The following MBLAC2 variants were observed in gnomAD, a reference collection of about 807,000 sequenced individuals.
The protein encoded by MBLAC2 is acyl-coenzyme A thioesterase MBLAC2.
In MBLAC2, 24 loss-of-function variants were observed where a neutral mutation model predicts 23.3. The ratio of observed to expected loss-of-function variants is 1.03; its 90% CI spans 0.75 to 1.45. MBLAC2 has a LOEUF of 1.45. Ranked by LOEUF, MBLAC2 falls within the 40% of genes most tolerant of loss-of-function variation. The pLI is 0.00. For synonymous variants in MBLAC2, 162 were observed against 150.9 expected (o/e 1.07, Z -0.54); for missense variants, 358 against 370.0 (o/e 0.97, Z 0.27).
intron 1 of MBLAC2, chr5:90,472,478 G>A (rs1580183568): frequency 2.0e-5 from 3 of 148,792 alleles, no homozygotes; most frequent in Admixed American, 6.7e-5. Flanking sequence ...AGACTTGTTC[G>A]GTGGGTGTGA....
intron 1 of MBLAC2, among the ~76,000 whole-genome samples, chr5:90,465,788 T>A (rs1580180925): frequency 6.6e-6 from 1 of 152,246 alleles, no homozygotes; most frequent in South Asian, 2.1e-4. Flanking sequence ...GCTAGTCTTA[T>A]ACTCCTGGCC....
Position 90,461,201 on chromosome 5 carries a change from G to C in MBLAC2, c.806C>G (p.Ala269Gly). The C allele has an allele frequency of 2.5e-6, 4 of 1,612,030 alleles. No individual in the cohort carries two copies. The highest frequency in any genetic ancestry group is 3.4e-6 in the Non-Finnish European group (4 of 1,179,132). The stretch of plus-strand genomic sequence containing the variant: ...GGTCCTAGAATTTGTTACACGTAGA[G>C]CTAAACTTGCAAGAGATCGCATGGC... ...TFAMRSLASLALRVTNSRTSP is the reference protein window; with the variant it reads ...TFAMRSLASLGLRVTNSRTSP Residue 269 changes from alanine (A) to glycine (G), a missense_variant, in exon 2 of 2, where the codon GCT becomes GGT. Transcript: ENST00000316610.
At chr5:90,472,406 TA>T (rs1750567414) in intron 1 of MBLAC2, 2 of 152,114 alleles carry the variant, frequency 1.3e-5, no homozygotes, top group Admixed American at 1.3e-4. Context: ...TATTGTCAGA[TA>T]ATGTAAGACT....
intron 1 of MBLAC2, among the ~76,000 whole-genome samples, chr5:90,462,455 G>A (rs1189732492): frequency 6.6e-6 from 1 of 152,010 alleles, no homozygotes; most frequent in African/African-American, 2.4e-5. Flanking sequence ...AACATAAAAA[G>A]GCAGAGATTG....
intron 1 of MBLAC2, among the ~76,000 whole-genome samples, chr5:90,463,442 T>C (rs1750399301): frequency 6.6e-6 from 1 of 152,106 alleles, no homozygotes; most frequent in Non-Finnish European, 1.5e-5. Context: ...AGAACAAAAA[T>C]AAATATGGGC....
intron 1 of MBLAC2, among the ~76,000 whole-genome samples, chr5:90,469,227 A>C (rs1039276143): frequency 2.6e-5 from 4 of 152,062 alleles, no homozygotes; most frequent in Non-Finnish European, 5.9e-5. Flanking sequence ...CGGCCTTTCA[A>C]ATTATTGGGA....
At chr5:90,468,565 G>A (rs1046296281) in intron 1 of MBLAC2, among the ~76,000 whole-genome samples, 1 of 151,722 alleles carries the variant, frequency 6.6e-6, no homozygotes, top group Non-Finnish European at 1.5e-5. Context: ...TTTTATTTAT[G>A]CTATCTATTT....
intron 1 of MBLAC2, among the ~76,000 whole-genome samples, chr5:90,466,825 A>C (rs1442298726): frequency 6.6e-6 from 1 of 152,192 alleles, no homozygotes; most frequent in African/African-American, 2.4e-5. Context: ...ATTGAAAAGG[A>C]TTGACAAAAC....
chr5:90,467,316 A>C (rs1750465137), intron 1 of MBLAC2, among the ~76,000 whole-genome samples: 1 of 152,130 alleles, frequency 6.6e-6, no homozygotes, highest in Non-Finnish European at 1.5e-5. Flanking sequence ...GTTACCATCT[A>C]TCTCATTTCT....
chr5:90,461,500 A>T lies in MBLAC2; in HGVS notation c.507T>A (p.Gly169=). Residue 169 remains glycine, a synonymous_variant, in exon 2 of 2, where the codon GGT becomes GGA. Transcript: ENST00000316610. ...DRQLTVMHMP[G]HSRGSICLHD... is the part of the protein sequence containing the mutation. ...GTAAGCAAATACTGCCCCTGGAGTGACCTGGCATGTGCATAACAGTGAGCT... is the reference window on the plus strand; with the variant it reads ...GTAAGCAAATACTGCCCCTGGAGTGTCCTGGCATGTGCATAACAGTGAGCT... The T allele has an allele frequency of 6.2e-7, 1 of 1,614,006 alleles. No individual in the cohort carries two copies. The highest frequency in any genetic ancestry group is 8.5e-7 in the Non-Finnish European group (1 of 1,179,926).
At position 90,474,154 on chromosome 5, in the gene MBLAC2, C is replaced by T; in HGVS notation, c.139G>A (p.Gly47Ser). ...TCCGGGAGGCTGCGCAGCCCCAGGC[C>T]TGTATCGATCACCACGTCCTGCTCG... Reference protein sequence around the residue: ...GSEQDVVIDTGLGLRSLPEYL... With the variant: ...GSEQDVVIDTSLGLRSLPEYL... Residue 47 changes from glycine (G) to serine (S), a missense_variant, in exon 1 of 2, where the codon GGC (glycine) becomes AGC (serine). Transcript: ENST00000316610. 2 of 1,597,208 alleles carry T rather than the reference C, an allele frequency of 1.3e-6. No homozygotes were observed. Among genetic ancestry groups the T allele is most frequent in the Middle Eastern group, 1.7e-4 (1 of 6,040 alleles).
rs1048917348 is a variant in MBLAC2 at position 90,458,865 on chromosome 5, A to T, written c.*2302T>A. 1 of 152,544 alleles carries T rather than the reference A, an allele frequency of 6.6e-6. No individual in the cohort carries two copies. Among genetic ancestry groups the T allele is most frequent in the Non-Finnish European group, 1.5e-5 (1 of 68,012 alleles). The allele number at this position is 152,544 out of a possible 1,614,324, so 9.4% of individuals were successfully genotyped here. A position where few individuals can be genotyped will look rare whatever the true frequency, so the allele number is the denominator to read the frequency against. On this transcript the variant is annotated 3_prime_UTR_variant, in exon 2 of 2. Coordinates refer to ENST00000316610, the MANE Select transcript of MBLAC2 (RefSeq NM_203406.2). ...TTACCTTATTTATTCACATTGAAGT[A>T]ATAGCAAAATATCACAGTTCTATGT...
intron 1 of MBLAC2, among the ~76,000 whole-genome samples, chr5:90,467,300 T>G (rs1750464910): frequency 6.6e-6 from 1 of 152,194 alleles, no homozygotes; most frequent in Non-Finnish European, 1.5e-5. Flanking sequence ...CCCCCAGTAT[T>G]ATTGTGTTAC....
At chr5:90,463,101 T>C (rs1186137009) in intron 1 of MBLAC2, among the ~76,000 whole-genome samples, 2 of 152,272 alleles carry the variant, frequency 1.3e-5, no homozygotes, top group African/African-American at 2.4e-5. Flanking sequence ...TTGTTTTTTC[T>C]GAGACAGAGT....
At chr5:90,469,830 A>G (rs762097186) in intron 1 of MBLAC2, among the ~76,000 whole-genome samples, 2 of 152,222 alleles carry the variant, frequency 1.3e-5, no homozygotes, top group Non-Finnish European at 2.9e-5. Flanking sequence ...GAGGTTCCTC[A>G]ACAAACTGAA....
rs536975944 is a variant in MBLAC2, at chr5:90,458,577, GTTA to G, written c.*2587_*2589del. 305 of 152,258 alleles carry G rather than the reference GTTA, an allele frequency of 2.0e-3. 9 individuals carry two copies. Among genetic ancestry groups the G allele is most frequent in the Admixed American group, 0.019 (297 of 15,294 alleles). The allele number at this position is 152,258 out of a possible 1,614,324, so 9.4% of individuals were successfully genotyped here. On this transcript the variant is annotated 3_prime_UTR_variant, in exon 2 of 2. Transcript: ENST00000316610. ...ATTTTGAAAAGCTTTTTAAAGATAT[GTTA>G]TTATTATGCTTTAACATCATTTCAT...
In MBLAC2 at chr5:90,461,267, T is replaced by C. The variant is rs1055958031; in HGVS notation, c.740A>G (p.Tyr247Cys). 3.7e-6 allele frequency: 6 copies of C among 1,614,140 alleles called. No individual in the cohort carries two copies. Among genetic ancestry groups the C allele is most frequent in the Non-Finnish European group, 5.1e-6 (6 of 1,180,014 alleles). Residue 247 changes from tyrosine (Y) to cysteine (C), a missense_variant, in exon 2 of 2, where the codon TAT becomes TGT. By Grantham distance (194) the Tyr-to-Cys change is radical. Transcript: ENST00000316610. The stretch of plus-strand genomic sequence containing the variant: ...GTGACATATCCCAGCTTTTGAAATA[T>C]AGTTAGAAGCCAATCGAAAAAGCCT... Reference protein sequence around the residue: ...AERLFRLASNYISKAGICHKV... With the variant: ...AERLFRLASNCISKAGICHKV...
chr5:90,470,479 A>G (rs954851675), intron 1 of MBLAC2, among the ~76,000 whole-genome samples: 14 of 152,170 alleles, frequency 9.2e-5, no homozygotes, highest in African/African-American at 3.4e-4. Flanking sequence ...TTAGGTATCA[A>G]TTAAAAAAAA....
chr5:90,474,564 A>G lies in MBLAC2; in HGVS notation c.-272T>C, dbSNP rs1241329215. On this transcript the variant is annotated 5_prime_UTR_variant, in exon 1 of 2. Coordinates refer to ENST00000316610, the MANE Select transcript of MBLAC2 (RefSeq NM_203406.2). Reference sequence around the variant, plus strand: ...AGCACGGGGGCGCAGGAGCTACCGCAGCCTCGGCAGCCGCACCACGAGAGA... The same window carrying G: ...AGCACGGGGGCGCAGGAGCTACCGCGGCCTCGGCAGCCGCACCACGAGAGA... 5 of 481,818 alleles carry G rather than the reference A, an allele frequency of 1.0e-5. No homozygotes were observed. The highest frequency in any genetic ancestry group is 7.2e-5 in the South Asian group (3 of 41,444). 29.8% of individuals were successfully genotyped at this position (481,818 alleles called of 1,614,324 possible).
Sources: allele counts gnomAD v4.1 joint callset (sites outside exome capture counted in the v4.1 genomes callset), GRCh38; gene constraint gnomAD v4.1.1; transcripts MANE v1.5; gene names NCBI Gene and HGNC (gene_info 2026-07-23, HGNC 2026-07-21).